The following CCT6B variants were observed in gnomAD, a reference collection of about 807,000 sequenced individuals.
The protein encoded by CCT6B is chaperonin containing TCP1 subunit 6B.
A neutral mutation model predicts 61.5 loss-of-function variants in CCT6B; 49 were observed. The observed-to-expected ratio is 0.80, with a 90% CI of 0.63 to 1.01. CCT6B has a LOEUF of 1.01. CCT6B is among the 50% of genes least tolerant of loss of function. The pLI is 0.00. For missense variants in CCT6B, 666 were observed against 634.7 expected (o/e 1.05, Z -0.53); for synonymous variants, 228 against 214.5 (o/e 1.06, Z -0.55).
chr17:34,940,389 T>C (rs772892812), intron 8 of CCT6B, 150 bp downstream of exon 8: 8 of 533,824 alleles, frequency 1.5e-5, no homozygotes, highest in South Asian at 1.1e-4. Context: ...GACAGTTCAA[T>C]TATTTACTGA....
At chr17:34,941,535 T>A (rs1220353079) in intron 7 of CCT6B, among the ~76,000 whole-genome samples, 2 of 152,192 alleles carry the variant, frequency 1.3e-5, no homozygotes, top group African/African-American at 4.8e-5. Flanking sequence ...TTTAAAAAAG[T>A]TCAAATGTTA....
At chr17:34,957,774 G>A (rs927246550) in intron 3 of CCT6B, among the ~76,000 whole-genome samples, 1 of 152,158 alleles carries the variant, frequency 6.6e-6, no homozygotes, top group Non-Finnish European at 1.5e-5. Flanking sequence ...TTCAGATATG[G>A]AGAAAAGAGA....
intron 12 of CCT6B, among the ~76,000 whole-genome samples, chr17:34,930,498 C>G (rs1354917877): frequency 6.6e-6 from 1 of 152,076 alleles, no homozygotes; most frequent in East Asian, 1.9e-4. Flanking sequence ...AATTTCCTCA[C>G]TTCCTTCCAC....
Position 34,939,647 on chromosome 17 carries a change from T to C in CCT6B, c.1035A>G (p.Gly345=). 6.2e-7 allele frequency: 1 copy of C among 1,612,326 alleles called. No homozygotes were observed. Among genetic ancestry groups the C allele is most frequent in the Non-Finnish European group, 8.5e-7 (1 of 1,178,518 alleles). Residue 345 remains glycine, a synonymous_variant, in exon 9 of 14, where the codon GGA becomes GGG. Transcript: ENST00000314144. ...SFEDLTVDCL[G]HAGLVYEYTL... ...TATACTCATACACAAGACCAGCATG[T>C]CCCAAGCAATCTACAGTGAGATCTT...
At chr17:34,943,073 G>C (rs1212437367) in intron 5 of CCT6B, 167 bp from the exon 6 acceptor site, 18 of 536,398 alleles carry the variant, frequency 3.4e-5, no homozygotes, top group Non-Finnish European at 6.0e-5. Flanking sequence ...CAGAGATGGG[G>C]GTCTTGCTAT....
intron 4 of CCT6B, among the ~76,000 whole-genome samples, chr17:34,954,189 C>T (rs1285250215): frequency 6.6e-6 from 1 of 151,992 alleles, no homozygotes; most frequent in Non-Finnish European, 1.5e-5. Flanking sequence ...GCAGCCAAAC[C>T]TCTCCCACCT....
Position 34,959,595 on chromosome 17 carries a change from C to T in CCT6B, c.193G>A (p.Asp65Asn), listed in dbSNP as rs1328245504. Residue 65 changes from aspartate (D) to asparagine (N), a missense_variant, in exon 2 of 14, where the codon GAT (aspartate) becomes AAT (asparagine). Transcript: ENST00000314144. ...KLTKDGNVLL[D>N]EMQIQHPTAS... Reference sequence around the variant, plus strand: ...CAGCAGCATCAGCTCACCATCTCATCGAGCAGCACATTGCCATCTTTGGTG... The same window carrying T: ...CAGCAGCATCAGCTCACCATCTCATTGAGCAGCACATTGCCATCTTTGGTG... 3.7e-6 allele frequency: 6 copies of T among 1,611,386 alleles called. No individual in the cohort carries two copies. The highest frequency in any genetic ancestry group is 2.2e-5 in the South Asian group (2 of 90,996).
At chr17:34,951,817 T>A in intron 5 of CCT6B, 133 bp downstream of exon 5, 1 of 462,228 alleles carries the variant, frequency 2.2e-6, no homozygotes, top group Non-Finnish European at 3.8e-6. Flanking sequence ...CTCATTCCCA[T>A]TACCTAGAGC....
intron 3 of CCT6B, among the ~76,000 whole-genome samples, chr17:34,955,951 A>G (rs950897284): frequency 3.3e-4 from 50 of 152,140 alleles, no homozygotes; most frequent in African/African-American, 1.1e-3. Flanking sequence ...GTTATTAACC[A>G]TTTTCAAAAA....
intron 5 of CCT6B, among the ~76,000 whole-genome samples, chr17:34,951,183 C>T (rs1165618928): frequency 6.6e-6 from 1 of 152,074 alleles, no homozygotes; most frequent in African/African-American, 2.4e-5. Context: ...AACTGTTAGA[C>T]AAATTAGACT....
At chr17:34,950,516 C>A (rs1222112346) in intron 5 of CCT6B, among the ~76,000 whole-genome samples, 1 of 152,132 alleles carries the variant, frequency 6.6e-6, no homozygotes, top group African/African-American at 2.4e-5. Context: ...TATTTATGAA[C>A]ACTTTATACC....
intron 8 of CCT6B, among the ~76,000 whole-genome samples, chr17:34,940,240 T>C (rs1301840149): frequency 6.6e-6 from 1 of 152,134 alleles, no homozygotes; most frequent in African/African-American, 2.4e-5. Context: ...TGAGTTCAAC[T>C]TTTTTAGATT....
At chr17:34,956,627 C>G (rs1283853747) in intron 3 of CCT6B, among the ~76,000 whole-genome samples, 1 of 152,164 alleles carries the variant, frequency 6.6e-6, no homozygotes, top group Admixed American at 6.6e-5. Flanking sequence ...GGAGTGGATC[C>G]TGATTAGTCT....
chr17:34,956,235 C>G (rs1263985123), intron 3 of CCT6B, among the ~76,000 whole-genome samples: 2 of 152,206 alleles, frequency 1.3e-5, no homozygotes, highest in African/African-American at 4.8e-5. Flanking sequence ...CACCAAAATG[C>G]TTGTAGCTTC....
At chr17:34,937,514 T>G (rs1567664763) in intron 10 of CCT6B, among the ~76,000 whole-genome samples, 2 of 152,170 alleles carry the variant, frequency 1.3e-5, no homozygotes, top group Admixed American at 1.3e-4. Flanking sequence ...ATCTGATACC[T>G]TTATATGAAA....
At chr17:34,941,674 G>A (rs1478314859) in intron 7 of CCT6B, among the ~76,000 whole-genome samples, 1 of 152,114 alleles carries the variant, frequency 6.6e-6, no homozygotes, top group African/African-American at 2.4e-5. Context: ...GGTAAAAGTG[G>A]CATTCCATGA....
intron 1 of CCT6B, among the ~76,000 whole-genome samples, chr17:34,960,984 C>G (rs1003378809): frequency 2.0e-5 from 3 of 152,200 alleles, no homozygotes; most frequent in Non-Finnish European, 4.4e-5. Context: ...TCCAATGAGA[C>G]ACTAAATTAA....
At chr17:34,939,087 A>C (rs2090128436) in intron 10 of CCT6B, 96 bp downstream of exon 10, 2 of 1,026,852 alleles carry the variant, frequency 1.9e-6, no homozygotes, top group Non-Finnish European at 2.8e-6. Context: ...CTGTCTAAAA[A>C]TATACATATA....
intron 3 of CCT6B, 42 bp downstream of exon 3, chr17:34,958,518 T>C: frequency 7.7e-7 from 1 of 1,296,804 alleles, no homozygotes. Context: ...AAAAAAATAA[T>C]TTGCCATTCA....
Sources: gnomAD v4.1 joint callset for allele counts (sites outside exome capture counted in the v4.1 genomes callset) on GRCh38, gnomAD v4.1.1 for gene constraint, MANE v1.5 for transcripts, NCBI Gene and HGNC (gene_info 2026-07-23, HGNC 2026-07-21) for gene names.